Variants in SPMAP2L observed in about 807,000 individuals in gnomAD.
The protein encoded by SPMAP2L is sperm microtubule associated protein 2 like.
At chr4:56,625,232 G>A in the SPMAP2L span, among the ~76,000 whole-genome samples, 1 of 152,132 alleles carries the variant, frequency 6.6e-6, no homozygotes, top group Non-Finnish European at 1.5e-5. Flanking sequence ...ATGACTGTAT[G>A]TACACAATAC....
At chr4:56,555,211 T>C in the SPMAP2L span, among the ~76,000 whole-genome samples, 5 of 152,294 alleles carry the variant, frequency 3.3e-5, no homozygotes, top group East Asian at 7.7e-4. Context: ...AGGGCTGGGA[T>C]TACAGGCATG....
At chr4:56,559,363 T>TA in the SPMAP2L span, 6 of 1,439,018 alleles carry the variant, frequency 4.2e-6, no homozygotes, top group East Asian at 5.3e-5. Context: ...AATTTTTTTT[T>TA]ACCATTTTAT....
the SPMAP2L span, among the ~76,000 whole-genome samples, chr4:56,572,628 G>A: frequency 6.6e-6 from 1 of 152,156 alleles, no homozygotes; most frequent in South Asian, 2.1e-4. Flanking sequence ...TATGCTTTTT[G>A]TTTCTCTCTC....
chr4:56,562,086 G>A, the SPMAP2L span, among the ~76,000 whole-genome samples: 312 of 152,186 alleles, frequency 2.1e-3, no homozygotes, highest in African/African-American at 6.6e-3. Context: ...ATTATAGCAC[G>A]GGGGCAAAGG....
At chr4:56,538,316 T>C in the SPMAP2L span, among the ~76,000 whole-genome samples, 50 of 152,204 alleles carry the variant, frequency 3.3e-4, no homozygotes, top group Admixed American at 9.2e-4. Flanking sequence ...CATCTGTGGT[T>C]CTCTCTACCT....
chr4:56,530,773 A>C, the SPMAP2L span: 9 of 1,535,292 alleles, frequency 5.9e-6, no homozygotes, highest in Non-Finnish European at 7.8e-6. Flanking sequence ...AGTCTTCCAG[A>C]AGCCCATTGT....
At chr4:56,609,742 C>T in the SPMAP2L span, among the ~76,000 whole-genome samples, 63,925 of 151,862 alleles carry the variant, frequency 0.42, 13,789 homozygotes, top group East Asian at 0.64. Flanking sequence ...AGAGTTCATC[C>T]CTTTTTCCGT....
At chr4:56,531,040 C>T in the SPMAP2L span, 13 of 1,535,542 alleles carry the variant, frequency 8.5e-6, no homozygotes, top group Non-Finnish European at 1.1e-5. Flanking sequence ...CCGCCAGCTC[C>T]GCCACACCCG....
At chr4:56,582,383 C>T in the SPMAP2L span, among the ~76,000 whole-genome samples, 1,046 of 151,982 alleles carry the variant, frequency 6.9e-3, 13 homozygotes, top group African/African-American at 0.024. Context: ...TTTTTTAAAT[C>T]GGCAAAGGAT....
chr4:56,539,190 T>C, the SPMAP2L span, among the ~76,000 whole-genome samples: 1 of 152,208 alleles, frequency 6.6e-6, no homozygotes, highest in Non-Finnish European at 1.5e-5. Flanking sequence ...TCATCACTGT[T>C]ATTGCTGAAC....
At chr4:56,530,693 T>C in the SPMAP2L span, 3 of 1,534,734 alleles carry the variant, frequency 2.0e-6, no homozygotes, top group East Asian at 2.4e-5. Context: ...AACCAAGAGT[T>C]TCTAAGTTCA....
chr4:56,530,841 C>T, the SPMAP2L span: 1 of 1,535,332 alleles, frequency 6.5e-7, no homozygotes, highest in Non-Finnish European at 8.7e-7. Flanking sequence ...CCGAGAAACA[C>T]GAGAATCCCG....
the SPMAP2L span, among the ~76,000 whole-genome samples, chr4:56,607,632 A>G: frequency 6.6e-6 from 1 of 152,152 alleles, no homozygotes; most frequent in Non-Finnish European, 1.5e-5. Context: ...GAAGAGTTGT[A>G]GAGAAACCTT....
chr4:56,607,089 G>A, the SPMAP2L span, among the ~76,000 whole-genome samples: 1 of 152,196 alleles, frequency 6.6e-6, no homozygotes, highest in South Asian at 2.1e-4. Flanking sequence ...AGGATAGAGA[G>A]TGCTCTGGTT....
chr4:56,570,432 G>A, the SPMAP2L span, among the ~76,000 whole-genome samples: 1 of 152,196 alleles, frequency 6.6e-6, no homozygotes, highest in African/African-American at 2.4e-5. Context: ...GTATAGCCTG[G>A]TGCTCTTGGG....
At chr4:56,593,944 C>G in the SPMAP2L span, 2 of 1,608,732 alleles carry the variant, frequency 1.2e-6, no homozygotes, top group Non-Finnish European at 1.7e-6. Context: ...GGCATCAACT[C>G]CAGCATGACG....
At chr4:56,577,311 A>G in the SPMAP2L span, among the ~76,000 whole-genome samples, 1 of 152,172 alleles carries the variant, frequency 6.6e-6, no homozygotes, top group Admixed American at 6.5e-5. Context: ...TGGCAGAGGC[A>G]CAAGAATAGA....
At chr4:56,607,252 T>C in the SPMAP2L span, among the ~76,000 whole-genome samples, 1 of 152,082 alleles carries the variant, frequency 6.6e-6, no homozygotes, top group African/African-American at 2.4e-5. Context: ...AGGGAGTGAG[T>C]TCATCCCTTT....
chr4:56,580,913 G>A, the SPMAP2L span, among the ~76,000 whole-genome samples: 1 of 152,064 alleles, frequency 6.6e-6, no homozygotes, highest in Non-Finnish European at 1.5e-5. Context: ...TACATATAAG[G>A]AATATTGCTC....
Sources: allele counts gnomAD v4.1 joint callset (sites outside exome capture counted in the v4.1 genomes callset), GRCh38; gene constraint gnomAD v4.1.1; transcripts MANE v1.5; gene names NCBI Gene and HGNC (gene_info 2026-07-23, HGNC 2026-07-21).